CDH13: variants seen among roughly 807,000 people sequenced by gnomAD.
CDH13 encodes the protein cadherin 13, also known as cadherin-13.
A neutral mutation model predicts 63.8 loss-of-function variants in CDH13; 24 were observed. That is an observed-to-expected ratio of 0.38 (90% CI 0.27 to 0.53). The LOEUF is 0.53. Ranked by LOEUF, CDH13 falls within the 20% of genes least tolerant of loss-of-function variation. The pLI, the probability that CDH13 is intolerant of heterozygous loss-of-function variation, is 0.85. For missense variants in CDH13, 1,049 were observed against 903.1 expected (o/e 1.16, Z -2.07); for synonymous variants, 503 against 355.3 (o/e 1.42, Z -4.67).
At chr16:82,875,259 G>C (rs1313980457) in intron 2 of CDH13, among the ~76,000 whole-genome samples, 1 of 152,172 alleles carries the variant, frequency 6.6e-6, no homozygotes, top group African/African-American at 2.4e-5. Flanking sequence ...TTTAGTGATA[G>C]GTATAGCCTA....
At chr16:83,007,000 CACA>C (rs1206773648) in intron 2 of CDH13, among the ~76,000 whole-genome samples, 1 of 151,540 alleles carries the variant, frequency 6.6e-6, no homozygotes, top group Non-Finnish European at 1.5e-5. Flanking sequence ...CTCGGCTCAT[CACA>C]ACCTCTGCCT....
intron 7 of CDH13, among the ~76,000 whole-genome samples, chr16:83,506,986 A>C (rs903381832): frequency 1.5e-4 from 23 of 152,220 alleles, no homozygotes; most frequent in Non-Finnish European, 4.4e-5. Context: ...GTGTGCAATC[A>C]TAAATGTTTT....
chr16:83,154,246 C>A (rs777896450), intron 4 of CDH13, among the ~76,000 whole-genome samples: 10 of 152,014 alleles, frequency 6.6e-5, no homozygotes, highest in Non-Finnish European at 1.2e-4. Flanking sequence ...TGCAATGAAC[C>A]TGTCACATGA....
intron 3 of CDH13, among the ~76,000 whole-genome samples, chr16:83,035,776 T>A (rs961308024): frequency 2.6e-5 from 4 of 152,186 alleles, no homozygotes; most frequent in Non-Finnish European, 4.4e-5. Context: ...CCTGAGCCTC[T>A]ATGTAGTTTT....
At chr16:83,120,328 G>C (rs1028709623) in intron 3 of CDH13, among the ~76,000 whole-genome samples, 3 of 152,218 alleles carry the variant, frequency 2.0e-5, no homozygotes, top group South Asian at 2.1e-4. Flanking sequence ...GTAGGATGGG[G>C]ATGGGATTCA....
chr16:82,811,735 G>T (rs944028019), intron 1 of CDH13, among the ~76,000 whole-genome samples: 1 of 152,110 alleles, frequency 6.6e-6, no homozygotes, highest in African/African-American at 2.4e-5. Context: ...GGTGTATATG[G>T]AATTGGAAAT....
intron 5 of CDH13, among the ~76,000 whole-genome samples, chr16:83,310,199 C>G (rs755379561): frequency 1.3e-5 from 2 of 152,142 alleles, no homozygotes; most frequent in Non-Finnish European, 2.9e-5. Context: ...TTGTGAAAGT[C>G]ATTTTGAAAG....
chr16:83,682,490 T>C (rs143015982), intron 10 of CDH13, among the ~76,000 whole-genome samples: 6 of 152,272 alleles, frequency 3.9e-5, no homozygotes, highest in African/African-American at 7.2e-5. Flanking sequence ...AAAATGTGCA[T>C]GTTCTGTAGA....
At chr16:83,308,933 G>A (rs1440034125) in intron 5 of CDH13, among the ~76,000 whole-genome samples, 1 of 152,300 alleles carries the variant, frequency 6.6e-6, no homozygotes, top group East Asian at 1.9e-4. Flanking sequence ...GAATTCACAA[G>A]AACATTCAGA....
At chr16:82,987,740 G>A (rs1246687739) in intron 2 of CDH13, among the ~76,000 whole-genome samples, 4 of 152,212 alleles carry the variant, frequency 2.6e-5, no homozygotes, top group African/African-American at 7.2e-5. Flanking sequence ...ATCGCAAAGA[G>A]TGTAAGGACC....
At chr16:83,070,977 G>C (rs1019736592) in intron 3 of CDH13, among the ~76,000 whole-genome samples, 4 of 151,584 alleles carry the variant, frequency 2.6e-5, no homozygotes, top group Admixed American at 2.6e-4. Context: ...ATGAGGTCAT[G>C]ATAGCACCGT....
chr16:83,313,467 G>C (rs1327651636), intron 5 of CDH13, among the ~76,000 whole-genome samples: 1 of 152,028 alleles, frequency 6.6e-6, no homozygotes. Context: ...TTTCAGTAAG[G>C]TTACTCTGTG....
intron 5 of CDH13, among the ~76,000 whole-genome samples, chr16:83,222,726 A>C (rs1164515172): frequency 6.6e-6 from 1 of 152,010 alleles, no homozygotes; most frequent in African/African-American, 2.4e-5. Context: ...AATCACCTCC[A>C]ACTAGTTTAC....
At chr16:83,568,515 A>G (rs942575752) in intron 7 of CDH13, among the ~76,000 whole-genome samples, 1 of 152,200 alleles carries the variant, frequency 6.6e-6, no homozygotes, top group Non-Finnish European at 1.5e-5. Context: ...CAGTTCACGT[A>G]GTTCAATGTG....
At chr16:83,700,780 AT>A (rs1301433957) in intron 10 of CDH13, among the ~76,000 whole-genome samples, 3 of 152,272 alleles carry the variant, frequency 2.0e-5, no homozygotes, top group Admixed American at 1.3e-4. Flanking sequence ...ATTATATTTC[AT>A]TTTGTTAATT....
intron 1 of CDH13, among the ~76,000 whole-genome samples, chr16:82,813,675 C>G (rs564832583): frequency 2.0e-4 from 31 of 152,208 alleles, no homozygotes; most frequent in Admixed American, 1.6e-3. Flanking sequence ...TCTCTATTAC[C>G]TTCTAGAGCC....
At chr16:83,425,452 A>G (rs1415750224) in intron 6 of CDH13, among the ~76,000 whole-genome samples, 2 of 152,244 alleles carry the variant, frequency 1.3e-5, no homozygotes, top group African/African-American at 2.4e-5. Flanking sequence ...CCAATTAATG[A>G]ATGAAACAAG....
chr16:82,787,841 A>AGTGTGTGTGTGT (rs10528183), intron 1 of CDH13, among the ~76,000 whole-genome samples: 2,122 of 146,764 alleles, frequency 0.014, 40 homozygotes, highest in African/African-American at 0.051. Flanking sequence ...GAAGGGAGGA[A>AGTGTGTGTGTGT]GTGTGTGTGT....
intron 10 of CDH13, among the ~76,000 whole-genome samples, chr16:83,738,401 A>G (rs1911737681): frequency 6.6e-6 from 1 of 152,266 alleles, no homozygotes; most frequent in South Asian, 2.1e-4. Context: ...AATAGTGCTT[A>G]TCTCTGGAAG....
Sources: gnomAD v4.1 joint callset for allele counts (sites outside exome capture counted in the v4.1 genomes callset) on GRCh38, gnomAD v4.1.1 for gene constraint, MANE v1.5 for transcripts, NCBI Gene and HGNC (gene_info 2026-07-23, HGNC 2026-07-21) for gene names.